The following GDAP1 variants were observed in gnomAD, a reference collection of about 807,000 sequenced individuals.
GDAP1 encodes ganglioside-induced differentiation-associated protein 1.
In GDAP1, 34 loss-of-function variants were observed where a neutral mutation model predicts 40.1. The observed-to-expected ratio is 0.85, with a 90% CI of 0.64 to 1.13. GDAP1 has a LOEUF of 1.13. GDAP1 is among the 50% of genes most tolerant of loss of function. GDAP1 has a pLI of 0.00. For missense variants in GDAP1, 374 were observed against 433.7 expected (o/e 0.86, Z 1.22); for synonymous variants, 170 against 157.4 (o/e 1.08, Z -0.60).
In GDAP1 at chr8:74,400,333, T is replaced by C. The variant is rs1325644653; in HGVS notation, c.165+49012T>C. Among the ~76,000 whole-genome samples, 7 of 150,168 alleles carry C rather than the reference T, an allele frequency of 4.7e-5. 1 individual carries two copies. Among genetic ancestry groups the C allele is most frequent in the African/African-American group, 1.8e-4 (7 of 39,456 alleles). On this transcript the variant is annotated intron_variant, in intron 2 of 2. Coordinates refer to the GDAP1 transcript ENST00000523640. ...CCTTCTTTGTCTCTTTCGATCTTTG[T>C]TGGATTAAAGTCTGTTTTATCTGAG...
At chr8:74,475,116 G>A (rs72665487) in intron 2 of GDAP1, among the ~76,000 whole-genome samples, 4,259 of 152,200 alleles carry the variant, frequency 0.028, 85 homozygotes, top group African/African-American at 0.055. Context: ...TGTGGGGTCA[G>A]TGGTATTATC....
intron 2 of GDAP1, among the ~76,000 whole-genome samples, chr8:74,429,133 G>C (rs1248999581): frequency 6.6e-6 from 1 of 151,920 alleles, no homozygotes; most frequent in African/African-American, 2.4e-5. Flanking sequence ...ATTTGGGTTG[G>C]TTCCAAGTCT....
chr8:74,431,496 T>TA (rs60942921), intron 2 of GDAP1, among the ~76,000 whole-genome samples: 12 of 151,118 alleles, frequency 7.9e-5, no homozygotes, highest in East Asian at 5.8e-4. Context: ...TTTATTTATT[T>TA]TTTGAGACAG....
At chr8:74,382,820 T>C (rs1809974292) in intron 2 of GDAP1, among the ~76,000 whole-genome samples, 1 of 152,158 alleles carries the variant, frequency 6.6e-6, no homozygotes, top group Admixed American at 6.5e-5. Flanking sequence ...TTTTGAACTA[T>C]TCAGGTGGAT....
intron 2 of GDAP1, among the ~76,000 whole-genome samples, chr8:74,403,400 G>A (rs943331489): frequency 8.0e-5 from 12 of 149,978 alleles, no homozygotes; most frequent in Non-Finnish European, 1.5e-5. Context: ...TTTCTATCCT[G>A]TCAGAGAAAA....
chr8:74,368,253 G>A (rs1418443789), downstream of GDAP1, among the ~76,000 whole-genome samples: 1 of 152,044 alleles, frequency 6.6e-6, no homozygotes, highest in African/African-American at 2.4e-5. Flanking sequence ...AAAATTTCAG[G>A]CGTATGACCA....
chr8:74,478,662 C>T (rs1012138462), intron 2 of GDAP1, among the ~76,000 whole-genome samples: 1 of 152,164 alleles, frequency 6.6e-6, no homozygotes, highest in Non-Finnish European at 1.5e-5. Context: ...ACAAGTCCAG[C>T]CTAGGGGAAT....
rs1191223964 is a variant in GDAP1 at position 74,386,869 on chromosome 8, G to C, written c.165+35548G>C. ...TCCTCTCTTATTTCCCTGAGCAGTG[G>C]TTTGTAGTTCTCCTTGAAGAGGTCC... On this transcript the variant is annotated intron_variant, in intron 2 of 2. Transcript: ENST00000523640. 2.0e-5 allele frequency among the ~76,000 whole-genome samples: 3 copies of C among 152,118 alleles called. No individual in the cohort carries two copies. In the East Asian group the frequency reaches 5.8e-4, roughly 29 times the overall value.
intron 2 of GDAP1, among the ~76,000 whole-genome samples, chr8:74,462,643 T>G (rs1464294633): frequency 6.6e-6 from 1 of 152,222 alleles, no homozygotes; most frequent in Admixed American, 6.5e-5. Flanking sequence ...TAGGAGTTAC[T>G]AACATATTCT....
intron 2 of GDAP1, among the ~76,000 whole-genome samples, chr8:74,474,932 T>A (rs1005426602): frequency 2.0e-5 from 3 of 152,114 alleles, no homozygotes; most frequent in Non-Finnish European, 4.4e-5. Context: ...CTTTTTTTGG[T>A]TGGTAGGCTA....
At chr8:74,390,008 C>T (rs756382040) in intron 2 of GDAP1, among the ~76,000 whole-genome samples, 5 of 152,178 alleles carry the variant, frequency 3.3e-5, no homozygotes, top group Non-Finnish European at 5.9e-5. Context: ...CGAAGTTCTC[C>T]TGCTGTGTTT....
intron 2 of GDAP1, among the ~76,000 whole-genome samples, chr8:74,383,989 A>G (rs1281971917): frequency 6.6e-6 from 1 of 152,194 alleles, no homozygotes; most frequent in East Asian, 1.9e-4. Flanking sequence ...CCTTAACTCC[A>G]AGGTGCAGAT....
intron 2 of GDAP1, among the ~76,000 whole-genome samples, chr8:74,447,718 C>T (rs767710205): frequency 1.3e-5 from 2 of 152,176 alleles, no homozygotes; most frequent in Non-Finnish European, 2.9e-5. Flanking sequence ...CGATGCCCCA[C>T]ATGGGGCCAA....
chr8:74,407,859 T>C (rs1805661160), intron 2 of GDAP1, among the ~76,000 whole-genome samples: 1 of 149,902 alleles, frequency 6.7e-6, no homozygotes, highest in South Asian at 2.1e-4. Flanking sequence ...CTGTTCCTTT[T>C]TTTCTGCTGG....
At chr8:74,430,261 A>G (rs922423874) in intron 2 of GDAP1, among the ~76,000 whole-genome samples, 2 of 152,226 alleles carry the variant, frequency 1.3e-5, no homozygotes, top group Admixed American at 1.3e-4. Context: ...CACCATATGC[A>G]TTTATTCTTT....
rs1190191715 is a variant in GDAP1, at chr8:74,364,478, A to G, written c.*111A>G. 2.6e-6 allele frequency: 3 copies of G among 1,139,318 alleles called. No individual in the cohort carries two copies. Among genetic ancestry groups the G allele is most frequent in the Admixed American group, 1.7e-5 (1 of 58,372 alleles). 70.6% of individuals were successfully genotyped at this position (1,139,318 alleles called of 1,614,324 possible). ...GAGTAGTTAGCAGTATTTTTTCCTA[A>G]AATTCAGAAGTCATCTTTGTTACAC... On this transcript the variant is annotated 3_prime_UTR_variant, in exon 6 of 6. Transcript: ENST00000220822.
chr8:74,379,148 G>T (rs28672348), intron 2 of GDAP1, among the ~76,000 whole-genome samples: 151,098 of 152,092 alleles, frequency 0.99, 75,060 homozygotes, highest in East Asian at 1. Context: ...TTCAGGGTCC[G>T]ACTCAGGCTT....
intron 2 of GDAP1, among the ~76,000 whole-genome samples, chr8:74,392,328 G>A (rs1283883362): frequency 2.6e-5 from 4 of 152,116 alleles, no homozygotes; most frequent in African/African-American, 9.7e-5. Context: ...ACACATCTTA[G>A]TTTGGGATTT....
At chr8:74,377,055 C>T (rs1477788715) in intron 2 of GDAP1, among the ~76,000 whole-genome samples, 2 of 152,008 alleles carry the variant, frequency 1.3e-5, no homozygotes, top group South Asian at 4.2e-4. Context: ...CAGAAAATTA[C>T]TTTGATATCT....
Sources: gnomAD v4.1 joint callset for allele counts (sites outside exome capture counted in the v4.1 genomes callset) on GRCh38, gnomAD v4.1.1 for gene constraint, MANE v1.5 for transcripts, NCBI Gene and HGNC (gene_info 2026-07-23, HGNC 2026-07-21) for gene names.